Variants in IGF2BP3 observed in about 807,000 individuals in gnomAD.
IGF2BP3 encodes insulin like growth factor 2 mRNA binding protein 3, also known as insulin-like growth factor 2 mRNA-binding protein 3.
A neutral mutation model predicts 73.8 loss-of-function variants in IGF2BP3; 9 were observed. That is an observed-to-expected ratio of 0.12 (90% CI 0.07 to 0.21). The LOEUF is 0.21. Ranked by LOEUF, IGF2BP3 falls within the 10% of genes least tolerant of loss-of-function variation. The pLI, the probability that IGF2BP3 is intolerant of heterozygous loss-of-function variation, is 1.00. For synonymous variants in IGF2BP3, 258 were observed against 256.7 expected (o/e 1.01, Z -0.05); for missense variants, 542 against 714.0 (o/e 0.76, Z 2.75).
intron 3 of IGF2BP3, chr7:23,405,050 T>TG (rs1786784378): frequency 1.3e-5 from 2 of 152,216 alleles, no homozygotes; most frequent in Non-Finnish European, 2.9e-5. Flanking sequence ...ATGGAAAAAT[T>TG]GAACACGCAT....
chr7:23,312,051 A>C lies in IGF2BP3; in HGVS notation c.*311T>G, dbSNP rs1783845191. ...GCATTATGGGGGAATATTAAGAAGA[A>C]TTAGAATATCTGTTATACTGTGAGA... On this transcript the variant is annotated 3_prime_UTR_variant, in exon 15 of 15. Coordinates refer to ENST00000258729, the MANE Select transcript of IGF2BP3 (RefSeq NM_006547.3). 1.1e-5 allele frequency: 3 copies of C among 269,656 alleles called. No individual in the cohort carries two copies. The highest frequency in any genetic ancestry group is 2.1e-5 in the Non-Finnish European group (3 of 144,450). 16.7% of individuals were successfully genotyped at this position (269,656 alleles called of 1,614,324 possible).
In IGF2BP3 at chr7:23,431,914, T is replaced by C. The variant is rs149935761; in HGVS notation, c.237-13090A>G. Among the ~76,000 whole-genome samples the C allele has an allele frequency of 3.9e-5, 6 of 152,336 alleles. No homozygotes were observed. The East Asian group carries it at 9.6e-4, about 24-fold the overall frequency. On this transcript the variant is annotated intron_variant, in intron 2 of 14. Coordinates refer to ENST00000258729, the MANE Select transcript of IGF2BP3 (RefSeq NM_006547.3). ...GGGCGAGTCTCAAAGGCAAAATTAC[T>C]TGTTTTATTCACTGTTGCACATTCC...
At chr7:23,401,986 G>A (rs775411314) in intron 3 of IGF2BP3, among the ~76,000 whole-genome samples, 7 of 150,898 alleles carry the variant, frequency 4.6e-5, no homozygotes, top group Non-Finnish European at 8.9e-5. Flanking sequence ...GCATGGTGGC[G>A]TGTCCCTGAA....
At chr7:23,368,327 A>AAAAAAAG (rs1785441129) in intron 3 of IGF2BP3, among the ~76,000 whole-genome samples, 3 of 124,550 alleles carry the variant, frequency 2.4e-5, no homozygotes, top group Non-Finnish European at 5.0e-5. Context: ...AGAGAGAAAG[A>AAAAAAAG]AAAGAAAGAA....
intron 3 of IGF2BP3, among the ~76,000 whole-genome samples, chr7:23,399,052 C>T (rs367591628): frequency 6.6e-6 from 1 of 152,048 alleles, no homozygotes; most frequent in Non-Finnish European, 1.5e-5. Context: ...GGTCTAACAT[C>T]TAAGTCTTTA....
rs1331635578 is a variant in IGF2BP3 at position 23,470,278 on chromosome 7, C to A, written c.-168G>T. On this transcript the variant is annotated 5_prime_UTR_variant, in exon 1 of 15. Coordinates refer to ENST00000258729, the MANE Select transcript of IGF2BP3 (RefSeq NM_006547.3). ...AGAACGAGGAGTGAAAAATCAGATC[C>A]GAGGCTTGTTTTTTCCTTGTCTAGA... 5.9e-6 allele frequency: 3 copies of A among 510,532 alleles called. No individual in the cohort carries two copies. Among genetic ancestry groups the A allele is most frequent in the Non-Finnish European group, 1.0e-5 (3 of 292,514 alleles). The allele number at this position is 510,532 out of a possible 1,614,324, so 31.6% of individuals were successfully genotyped here.
At chr7:23,313,940 A>T (rs1419804227) in intron 12 of IGF2BP3, among the ~76,000 whole-genome samples, 2 of 152,194 alleles carry the variant, frequency 1.3e-5, no homozygotes, top group South Asian at 2.1e-4. Flanking sequence ...ATAAAAACGA[A>T]TTTTTGTGGG....
At chr7:23,334,525 G>A (rs116860124) in intron 10 of IGF2BP3, among the ~76,000 whole-genome samples, 42 of 152,276 alleles carry the variant, frequency 2.8e-4, no homozygotes, top group Non-Finnish European at 3.4e-4. Flanking sequence ...GCCCATTAGC[G>A]TTACCCAGTC....
chr7:23,376,555 AAAAG>A (rs59218260), intron 3 of IGF2BP3, among the ~76,000 whole-genome samples: 18,611 of 139,012 alleles, frequency 0.13, 1,171 homozygotes, highest in Non-Finnish European at 0.19. Context: ...AAAAAAAAAA[AAAAG>A]AAAGAAAGAA....
At position 23,391,097 on chromosome 7, in the gene IGF2BP3, C is replaced by CTT. The variant is rs773815068; in HGVS notation, c.285+27677_285+27678dup. 9.8e-3 allele frequency among the ~76,000 whole-genome samples: 1,042 copies of CTT among 105,848 alleles called. 21 individuals are homozygous for CTT. Among genetic ancestry groups the CTT allele is most frequent in the East Asian group, 0.046 (163 of 3,540 alleles). 69.4% of individuals were successfully genotyped at this position (105,848 alleles called of 152,430 possible). A position where few individuals can be genotyped will look rare whatever the true frequency, so the allele number is the denominator to read the frequency against. ...TACAGGCGTGAACCATCGCGCCTGGCTTTTTTTTTTTTTTTTTTTTAAGAC... is the reference window on the plus strand; with the variant it reads ...TACAGGCGTGAACCATCGCGCCTGGCTTTTTTTTTTTTTTTTTTTTTTAAGAC... On this transcript the variant is annotated intron_variant, in intron 3 of 14. Transcript: ENST00000258729.
intron 3 of IGF2BP3, among the ~76,000 whole-genome samples, chr7:23,404,336 C>T (rs1001339394): frequency 1.3e-5 from 2 of 152,094 alleles, no homozygotes; most frequent in Admixed American, 6.6e-5. Context: ...AAAAAGAAAT[C>T]TGAAATATCA....
intron 3 of IGF2BP3, among the ~76,000 whole-genome samples, chr7:23,410,173 T>A (rs540790923): frequency 6.6e-6 from 1 of 151,914 alleles, no homozygotes; most frequent in African/African-American, 2.4e-5. Flanking sequence ...CATCTTAAAA[T>A]TTTTTTTAAA....
chr7:23,372,358 C>T (rs888813359), intron 3 of IGF2BP3, among the ~76,000 whole-genome samples: 2 of 152,136 alleles, frequency 1.3e-5, no homozygotes, highest in African/African-American at 4.8e-5. Context: ...CAGGTGTGAG[C>T]CACTGTGTCT....
At chr7:23,408,977 G>GC (rs567257284) in intron 3 of IGF2BP3, among the ~76,000 whole-genome samples, 268 of 76,096 alleles carry the variant, frequency 3.5e-3, no homozygotes, top group Non-Finnish European at 5.6e-3. Context: ...GAGTGGGGAT[G>GC]GGGGGGATGG....
At position 23,405,540 on chromosome 7, in the gene IGF2BP3, G is replaced by A. The variant is rs529833600; in HGVS notation, c.285+13236C>T. The stretch of plus-strand genomic sequence containing the variant: ...GCTGGAGAAGCAAGAAAGGGGAACC[G>A]GGCCGCACAGCAGAAGGTGAGAGGA... On this transcript the variant is annotated intron_variant, in intron 3 of 14. Coordinates refer to ENST00000258729, the MANE Select transcript of IGF2BP3 (RefSeq NM_006547.3). Among the ~76,000 whole-genome samples the A allele has an allele frequency of 2.6e-5, 4 of 152,270 alleles. 1 individual carries two copies. The South Asian group carries it at 8.3e-4, about 32-fold the overall frequency.
intron 3 of IGF2BP3, chr7:23,362,647 C>T (rs932030387): frequency 6.6e-6 from 1 of 152,240 alleles, no homozygotes; most frequent in East Asian, 1.9e-4. Flanking sequence ...CAATATAAAC[C>T]AAATTCAGGT....
chr7:23,349,554 C>A lies in IGF2BP3; in HGVS notation c.683+1751G>T, dbSNP rs150439559. The stretch of plus-strand genomic sequence containing the variant: ...AGTTTATTTTCACCCTTTCACTGTG[C>A]TAAGGATTACTAAGCTCCGATCCCC... On this transcript the variant is annotated intron_variant, in intron 6 of 14. Coordinates refer to ENST00000258729, the MANE Select transcript of IGF2BP3 (RefSeq NM_006547.3). Among the ~76,000 whole-genome samples, 97 of 152,220 alleles carry A rather than the reference C, an allele frequency of 6.4e-4. 1 individual carries two copies. The highest frequency in any genetic ancestry group is 3.4e-3 in the Middle Eastern group (1 of 294).
rs916790899 is a variant in IGF2BP3, at chr7:23,347,582, A to T, written c.818+18T>A. The stretch of plus-strand genomic sequence containing the variant: ...CACAAATATCAACCTCTTTCACAGG[A>T]CAATCTTCTTTACTCACAATTTTAT... On this transcript the variant is annotated intron_variant, in intron 7 of 14. Transcript: ENST00000258729. 1 of 1,609,516 alleles carries T rather than the reference A, an allele frequency of 6.2e-7. No homozygotes were observed. Among genetic ancestry groups the T allele is most frequent in the Admixed American group, 1.7e-5 (1 of 59,110 alleles).
intron 10 of IGF2BP3, among the ~76,000 whole-genome samples, chr7:23,331,128 G>A (rs1464853838): frequency 6.6e-6 from 1 of 152,132 alleles, no homozygotes; most frequent in Admixed American, 6.6e-5. Context: ...TGAAAGGCAT[G>A]ATTTATACTA....
Sources: allele counts gnomAD v4.1 joint callset (sites outside exome capture counted in the v4.1 genomes callset), GRCh38; gene constraint gnomAD v4.1.1; transcripts MANE v1.5; gene names NCBI Gene and HGNC (gene_info 2026-07-23, HGNC 2026-07-21).